Variants in CD4 observed in about 807,000 individuals in gnomAD.
CD4 encodes CD4 molecule.
A neutral mutation model predicts 50.5 loss-of-function variants in CD4; 25 were observed. The ratio of observed to expected loss-of-function variants is 0.49; its 90% CI spans 0.36 to 0.69. CD4 has a LOEUF of 0.69. Ranked by LOEUF, CD4 falls within the 30% of genes least tolerant of loss-of-function variation. The probability of loss-of-function intolerance (pLI) is 0.00; values close to 1 mark genes in which losing one functional copy is unlikely to be tolerated. For synonymous variants in CD4, 207 were observed against 221.9 expected, an observed-to-expected ratio of 0.93 and a Z score of 0.60; for missense variants, 456 against 548.5, an observed-to-expected ratio of 0.83 and a Z score of 1.68.
Position 6,818,824 on chromosome 12 carries a change from C to T in CD4, c.1279-23C>T. On this transcript the variant is annotated intron_variant, in intron 8 of 9. Transcript: ENST00000011653. This position sits in a 1 kb window ranked among gnomAD's most constrained non-coding sequence, Gnocchi z 5.0. ...TTCTGGAGGCCTGGGACCCTCGTGA[C>T]TCCCTTTCTTGTCCCTGGACAGCGC... 2 of 1,608,968 alleles carry T rather than the reference C, an allele frequency of 1.2e-6. No individual in the cohort carries two copies. Among genetic ancestry groups the T allele is most frequent in the East Asian group, 2.2e-5 (1 of 44,834 alleles).
intron 1 of CD4, among the ~76,000 whole-genome samples, chr12:6,793,842 G>T (rs1300578437): frequency 6.6e-6 from 1 of 151,494 alleles, no homozygotes; most frequent in African/African-American, 2.4e-5. Context: ...AGTAGACACG[G>T]GGGTTTCATG....
At chr12:6,789,788 C>G (rs1027251120) in intron 1 of CD4, 126 bp downstream of exon 1, 2 of 152,336 alleles carry the variant, frequency 1.3e-5, no homozygotes, top group African/African-American at 4.8e-5. Context: ...TTGCATTTCT[C>G]TTGGAACTGG....
chr12:6,810,014 C>T (rs1253956232), intron 3 of CD4, among the ~76,000 whole-genome samples: 1 of 151,778 alleles, frequency 6.6e-6, no homozygotes, highest in African/African-American at 2.4e-5. Context: ...CTCAGCCTCC[C>T]GAGTAACTGG....
intron 9 of CD4, among the ~76,000 whole-genome samples, 153 bp downstream of exon 9, chr12:6,819,067 G>C (rs1373908979): frequency 6.6e-6 from 1 of 151,556 alleles, no homozygotes; most frequent in African/African-American, 2.4e-5. Context: ...GTGGAGGTGA[G>C]GAGATGGGGG....
At chr12:6,791,490 G>A (rs909355636) in intron 1 of CD4, among the ~76,000 whole-genome samples, 7 of 152,152 alleles carry the variant, frequency 4.6e-5, no homozygotes, top group African/African-American at 1.7e-4. Context: ...TGATCCGCCC[G>A]CCTTGGCCTC....
At chr12:6,790,940 C>G (rs1288743601) in intron 1 of CD4, among the ~76,000 whole-genome samples, 1 of 152,206 alleles carries the variant, frequency 6.6e-6, no homozygotes, top group Non-Finnish European at 1.5e-5. Context: ...GAAGTCACTG[C>G]TACTTCACAT....
chr12:6,813,369 AT>A (rs1374156725), intron 3 of CD4, among the ~76,000 whole-genome samples: 6 of 149,684 alleles, frequency 4.0e-5, no homozygotes, highest in African/African-American at 9.8e-5. Flanking sequence ...TTCTTTTTTA[AT>A]TTTTTTTTAG....
At chr12:6,794,711 T>G (rs151124156) in intron 1 of CD4, among the ~76,000 whole-genome samples, 1 of 151,728 alleles carries the variant, frequency 6.6e-6, no homozygotes, top group East Asian at 1.9e-4. Context: ...CTAATCTAAT[T>G]CATCTATTTT....
At position 6,806,176 on chromosome 12, in the gene CD4, CACACACATACACAAGT is replaced by C. The variant is rs1189947026; in HGVS notation, c.214+5707_214+5722del. ...GTACATACACACACACACACACACA[CACACACATACACAAGT>C]ATATACACATATATATACACATACA... On this transcript the variant is annotated intron_variant, in intron 3 of 9. Transcript: ENST00000011653. 3.6e-3 allele frequency among the ~76,000 whole-genome samples: 475 copies of C among 132,438 alleles called. 4 individuals are homozygous for C. Among genetic ancestry groups the C allele is most frequent in the African/African-American group, 0.011 (414 of 37,844 alleles). The allele number at this position is 132,438 out of a possible 152,430, so 86.9% of individuals were successfully genotyped here.
At chr12:6,808,450 CAAAAAAAAAAAAAAAAAAAA>C (rs3032789) in intron 3 of CD4, among the ~76,000 whole-genome samples, 4 of 37,798 alleles carry the variant, frequency 1.1e-4, no homozygotes, top group Non-Finnish European at 2.8e-4. Flanking sequence ...GATTCTGTCT[CAAAAAAAAAAAAAAAAAAAA>C]AAAAAAAAAA....
intron 3 of CD4, among the ~76,000 whole-genome samples, chr12:6,802,945 G>A (rs1345996283): frequency 6.6e-6 from 1 of 151,382 alleles, no homozygotes; most frequent in Non-Finnish European, 1.5e-5. Context: ...CATGCTAGCA[G>A]GATGGTCTCA....
chr12:6,813,481 T>C (rs782006573), intron 3 of CD4: 2 of 152,322 alleles, frequency 1.3e-5, no homozygotes, highest in East Asian at 1.9e-4. Context: ...TAAAAACAAA[T>C]AGTAGACTGT....
chr12:6,817,764 A>C (rs868906210), intron 7 of CD4, among the ~76,000 whole-genome samples: 1 of 134,144 alleles, frequency 7.5e-6, no homozygotes, highest in East Asian at 2.2e-4. Flanking sequence ...TACACACACT[A>C]CACACACATC....
chr12:6,794,044 C>T (rs920129760), intron 1 of CD4, among the ~76,000 whole-genome samples: 4 of 148,456 alleles, frequency 2.7e-5, no homozygotes, highest in Non-Finnish European at 6.0e-5. Flanking sequence ...GTCTATCTAT[C>T]TTTATGTATC....
chr12:6,819,743 G>A lies in CD4; in HGVS notation c.*414G>A. The A allele has an allele frequency of 5.4e-6, 1 of 185,184 alleles. No individual in the cohort carries two copies. The highest frequency in any genetic ancestry group is 1.1e-5 in the Non-Finnish European group (1 of 89,794). 11.5% of individuals were successfully genotyped at this position (185,184 alleles called of 1,614,324 possible). ...CTGGGACCACAGAGGGCAGGAACTT[G>A]CACAAAATCACACAGCCAAGCCAGT... is the stretch of plus-strand genomic sequence containing the variant. On this transcript the variant is annotated 3_prime_UTR_variant, in exon 10 of 10. Coordinates refer to ENST00000011653, the MANE Select transcript of CD4 (RefSeq NM_000616.5).
chr12:6,793,688 CTATCT>C (rs1565488141), intron 1 of CD4, among the ~76,000 whole-genome samples: 3 of 88,790 alleles, frequency 3.4e-5, no homozygotes, highest in South Asian at 4.5e-4. Flanking sequence ...ATCTATCTAT[CTATCT>C]ATCTATCTAT....
rs952052390 is a variant in CD4, at chr12:6,818,105, C to T, written c.1157-316C>T. Among the ~76,000 whole-genome samples the T allele has an allele frequency of 7.3e-6, 1 of 137,004 alleles. No homozygotes were observed. The highest frequency in any genetic ancestry group is 1.6e-5 in the Non-Finnish European group (1 of 62,844). 89.9% of individuals were successfully genotyped at this position (137,004 alleles called of 152,430 possible). On this transcript the variant is annotated intron_variant, in intron 7 of 9. Transcript: ENST00000011653. The surrounding 1 kb of genome is among the most constrained non-coding windows in gnomAD (Gnocchi z 5.0). The stretch of plus-strand genomic sequence containing the variant: ...GGACTCACACGCGCACACGCGCGCA[C>T]ACACACACATTCACACCATTCACAC...
intron 3 of CD4, among the ~76,000 whole-genome samples, chr12:6,801,205 CA>C (rs1942534863): frequency 6.7e-6 from 1 of 148,690 alleles, no homozygotes. Flanking sequence ...TATGCCTAGC[CA>C]AAAAAAATTT....
At chr12:6,797,702 G>T (rs530022357) in intron 1 of CD4, among the ~76,000 whole-genome samples, 1 of 152,174 alleles carries the variant, frequency 6.6e-6, no homozygotes, top group African/African-American at 2.4e-5. Context: ...TTTAAGGAAA[G>T]GTGCTGTGCC....
Sources: gnomAD v4.1 joint callset for allele counts (sites outside exome capture counted in the v4.1 genomes callset) on GRCh38, gnomAD v4.1.1 for gene constraint, Gnocchi (gnomAD v3.1) non-coding constraint, MANE v1.5 for transcripts, NCBI Gene and HGNC (gene_info 2026-07-23, HGNC 2026-07-21) for gene names.